The following SIX3 variants were observed in gnomAD, a reference collection of about 807,000 sequenced individuals.
SIX3 encodes the protein SIX homeobox 3.
SIX3 carries 2 observed loss-of-function variants against 21.7 expected under a neutral mutation model. The ratio of observed to expected loss-of-function variants is 0.09; its 90% CI spans 0.04 to 0.29. SIX3 has a LOEUF of 0.29. SIX3 is among the 10% of genes least tolerant of loss of function. The pLI is 1.00. For synonymous variants in SIX3, 243 were observed against 220.6 expected (o/e 1.10, Z -0.90); for missense variants, 347 against 480.7 (o/e 0.72, Z 2.60).
Position 44,944,586 on chromosome 2 carries a change from T to G in SIX3, c.825T>G (p.Ile275Met). 1 of 1,578,962 alleles carries G rather than the reference T, an allele frequency of 6.3e-7. No individual in the cohort carries two copies. Among genetic ancestry groups the G allele is most frequent in the Non-Finnish European group, 8.6e-7 (1 of 1,169,396 alleles). Residue 275 changes from isoleucine (I) to methionine (M), a missense_variant, in exon 2 of 2, where the codon ATT becomes ATG. By Grantham distance (10) the Ile-to-Met change is conservative (BLOSUM62 1). Coordinates refer to ENST00000260653, the MANE Select transcript of SIX3 (RefSeq NM_005413.4). Reference protein sequence around the residue: ...AAKNRLQHQAIGPSGMRSLAE... With the variant: ...AAKNRLQHQAMGPSGMRSLAE... Reference sequence around the variant, plus strand: ...CCCGCAGGCTCCAGCACCAGGCCATTGGACCGAGCGGCATGCGCTCGCTGG... The same window carrying G: ...CCCGCAGGCTCCAGCACCAGGCCATGGGACCGAGCGGCATGCGCTCGCTGG...
Position 44,945,340 on chromosome 2 carries a change from CA to C in SIX3, c.*581del, listed in dbSNP as rs914541308. On this transcript the variant is annotated 3_prime_UTR_variant, in exon 2 of 2. Transcript: ENST00000260653. ...AAAAAAAAAAAAAAAAAAAAAAGGACAGGGGGAAAAAAAAAAAAAAAGAACT... is the reference window on the plus strand; with the variant it reads ...AAAAAAAAAAAAAAAAAAAAAAGGACGGGGGAAAAAAAAAAAAAAAGAACT... The C allele has an allele frequency of 5.3e-5, 4 of 75,352 alleles. No individual in the cohort carries two copies. Among genetic ancestry groups the C allele is most frequent in the South Asian group, 4.1e-4 (1 of 2,412 alleles). 4.7% of individuals were successfully genotyped at this position (75,352 alleles called of 1,614,324 possible). A position where few individuals can be genotyped will look rare whatever the true frequency, so the allele number is the denominator to read the frequency against.
chr2:44,943,143 G>A (rs993291791), intron 1 of SIX3, among the ~76,000 whole-genome samples: 1 of 152,162 alleles, frequency 6.6e-6, no homozygotes, highest in African/African-American at 2.4e-5. Flanking sequence ...GTGTGTGCTT[G>A]CGACCCGAGT....
chr2:44,941,948 C>T lies in SIX3; in HGVS notation c.-157C>T, dbSNP rs1422364981. The T allele has an allele frequency of 1.5e-6, 1 of 649,354 alleles. No homozygotes were observed. Among genetic ancestry groups the T allele is most frequent in the South Asian group, 1.6e-5 (1 of 62,866 alleles). The allele number at this position is 649,354 out of a possible 1,614,324, so 40.2% of individuals were successfully genotyped here. ...TGTGGGGTGTGGGTGTCCCTTACGC[C>T]CTTCCTCCTCTCCCTCCTCCTCCTG... On this transcript the variant is annotated 5_prime_UTR_variant, in exon 1 of 2. Coordinates refer to ENST00000260653, the MANE Select transcript of SIX3 (RefSeq NM_005413.4).
intron 1 of SIX3, among the ~76,000 whole-genome samples, chr2:44,943,416 CACGTTGCCTG>C (rs1252447625): frequency 6.6e-6 from 1 of 152,246 alleles, no homozygotes; most frequent in African/African-American, 2.4e-5. Flanking sequence ...CGCAACGCTG[CACGTTGCCTG>C]ACCGGGAGCA....
chr2:44,944,623 T>C lies in SIX3; in HGVS notation c.862T>C (p.Cys288Arg), dbSNP rs1355497595. The change falls in exon 2 of 2, where the codon TGC becomes CGC. Residue 288 changes from cysteine to arginine, a missense_variant. Transcript: ENST00000260653. ...CATGCGCTCGCTGGCCGAGCCCGGC[T>C]GCCCCACGCACGGCTCGGCAGAGTC... is the stretch of plus-strand genomic sequence containing the variant. ...SGMRSLAEPG[C>R]PTHGSAESPS... 2.5e-6 allele frequency: 4 copies of C among 1,575,430 alleles called. No individual in the cohort carries two copies. Among genetic ancestry groups the C allele is most frequent in the Non-Finnish European group, 3.4e-6 (4 of 1,167,870 alleles).
chr2:44,944,178 A>C (rs544932582), intron 1 of SIX3, among the ~76,000 whole-genome samples: 166 of 152,356 alleles, frequency 1.1e-3, no homozygotes, highest in African/African-American at 3.8e-3. Flanking sequence ...TGGCATCCAG[A>C]GAGCAAAGTA....
At position 44,942,044 on chromosome 2, in the gene SIX3, T is replaced by A; in HGVS notation, c.-61T>A. 7.5e-7 allele frequency: 1 copy of A among 1,337,368 alleles called. No individual in the cohort carries two copies. The highest frequency in any genetic ancestry group is 1.0e-6 in the Non-Finnish European group (1 of 960,418). The allele number at this position is 1,337,368 out of a possible 1,614,324, so 82.8% of individuals were successfully genotyped here. ...CTCCTGGTCCTCATCGCCCCTCTCC[T>A]CCTCTTCCTCCCCTCTCTCTTCCTC... is the stretch of plus-strand genomic sequence containing the variant. On this transcript the variant is annotated 5_prime_UTR_variant, in exon 1 of 2. Coordinates refer to ENST00000260653, the MANE Select transcript of SIX3 (RefSeq NM_005413.4). This position sits in a 1 kb window ranked among gnomAD's most constrained non-coding sequence, Gnocchi z 8.4.
chr2:44,943,701 G>A (rs1173806100), intron 1 of SIX3, among the ~76,000 whole-genome samples: 1 of 152,262 alleles, frequency 6.6e-6, no homozygotes, highest in Non-Finnish European at 1.5e-5. Context: ...GGCGAAAGGA[G>A]TGGGGAGAGA....
At position 44,944,576 on chromosome 2, in the gene SIX3, A is replaced by C; in HGVS notation, c.815A>C (p.His272Pro). 4 of 1,576,624 alleles carry C rather than the reference A, an allele frequency of 2.5e-6. No individual in the cohort carries two copies. The highest frequency in any genetic ancestry group is 3.4e-6 in the Non-Finnish European group (4 of 1,168,352). The change falls in exon 2 of 2, where the codon CAC becomes CCC. Residue 272 changes from histidine (H) to proline (P), a missense_variant. This residue lies in a region of SIX3 where 110 missense variants were observed against 93.3 expected (regional missense o/e 1.18). Coordinates refer to ENST00000260653, the MANE Select transcript of SIX3 (RefSeq NM_005413.4). The part of the protein sequence containing the change: ...RAAAAKNRLQ[H>P]QAIGPSGMRS... ...ATCTCTTTCTCCCGCAGGCTCCAGC[A>C]CCAGGCCATTGGACCGAGCGGCATG...
At position 44,942,319 on chromosome 2, in the gene SIX3, C is replaced by T. The variant is rs781731500; in HGVS notation, c.215C>T (p.Ala72Val). 99 of 1,586,590 alleles carry T rather than the reference C, an allele frequency of 6.2e-5. No individual in the cohort carries two copies. The highest frequency in any genetic ancestry group is 3.4e-4 in the Middle Eastern group (2 of 5,938). ...AGGGGGGGSR[A>V]PPEELSMFQL... is the part of the protein sequence containing the mutation. ...GGCGGCGGCGGCGGCGGCTCCAGGG[C>T]CCCCCCGGAAGAGTTGTCCATGTTC... The change falls in exon 1 of 2, where the codon GCC becomes GTC. Residue 72 changes from alanine (A) to valine (V), a missense_variant. By Grantham distance (64) the Ala-to-Val change is moderately conservative (BLOSUM62 0). Transcript: ENST00000260653. The surrounding 1 kb of genome is among the most constrained non-coding windows in gnomAD (Gnocchi z 8.4).
chr2:44,942,815 C>G lies in SIX3; in HGVS notation c.711C>G (p.Arg237=), dbSNP rs759831587. ...CCTACCCCAACCCCAGCAAGAAACG[C>G]GAACTGGCGCAGGCCACCGGCCTCA... ...QDPYPNPSKK[R]ELAQATGLTP... is the part of the protein sequence containing the mutation. The change falls in exon 1 of 2, where the codon CGC becomes CGG. Residue 237 remains arginine, a synonymous_variant. Coordinates refer to ENST00000260653, the MANE Select transcript of SIX3 (RefSeq NM_005413.4). The surrounding 1 kb of genome is among the most constrained non-coding windows in gnomAD (Gnocchi z 8.4). 4.4e-6 allele frequency: 7 copies of G among 1,599,600 alleles called. No individual in the cohort carries two copies. In the South Asian group the frequency reaches 4.4e-5, roughly 10 times the overall value.
chr2:44,942,430 G>A lies in SIX3; in HGVS notation c.326G>A (p.Gly109Asp). 2 of 1,597,710 alleles carry A rather than the reference G, an allele frequency of 1.3e-6. No homozygotes were observed. Among genetic ancestry groups the A allele is most frequent in the African/African-American group, 1.3e-5 (1 of 75,022 alleles). ...LEETGDIERL[G>D]RFLWSLPVAP... ...GAGACGGGCGACATCGAGCGGCTGG[G>A]CCGCTTCCTCTGGTCGCTGCCCGTG... The change falls in exon 1 of 2, where the codon GGC becomes GAC. Residue 109 changes from glycine to aspartate, a missense_variant. Transcript: ENST00000260653. This position sits in a 1 kb window ranked among gnomAD's most constrained non-coding sequence, Gnocchi z 8.4.
intron 1 of SIX3, among the ~76,000 whole-genome samples, chr2:44,943,114 G>A (rs1666612535): frequency 6.6e-6 from 1 of 152,198 alleles, no homozygotes; most frequent in African/African-American, 2.4e-5. Context: ...ACCAAGAGGG[G>A]CTTTCGTCAG....
In SIX3 at chr2:44,941,978, C is replaced by A. The variant is rs1396538892; in HGVS notation, c.-127C>A. The A allele has an allele frequency of 4.7e-6, 3 of 631,638 alleles. No homozygotes were observed. Among genetic ancestry groups the A allele is most frequent in the African/African-American group, 1.9e-5 (1 of 53,108 alleles). 39.1% of individuals were successfully genotyped at this position (631,638 alleles called of 1,614,324 possible). A position where few individuals can be genotyped will look rare whatever the true frequency, so the allele number is the denominator to read the frequency against. On this transcript the variant is annotated 5_prime_UTR_variant, in exon 1 of 2. Transcript: ENST00000260653. ...CTCCTCTCCCTCCTCCTCCTGCTCC[C>A]CCCTCCTTTCCTTCTCCTCCTCCCC...
In SIX3 at chr2:44,945,070, A is replaced by G; in HGVS notation, c.*310A>G. On this transcript the variant is annotated 3_prime_UTR_variant, in exon 2 of 2. Coordinates refer to ENST00000260653, the MANE Select transcript of SIX3 (RefSeq NM_005413.4). Reference sequence around the variant, plus strand: ...GTCAAACGCTGATGTTGCGGGCAGAAAACATAAAAGAGGTGACAATTGTAT... The same window carrying G: ...GTCAAACGCTGATGTTGCGGGCAGAGAACATAAAAGAGGTGACAATTGTAT... 1 of 493,056 alleles carries G rather than the reference A, an allele frequency of 2.0e-6. No individual in the cohort carries two copies. The highest frequency in any genetic ancestry group is 3.7e-6 in the Non-Finnish European group (1 of 272,064). 30.5% of individuals were successfully genotyped at this position (493,056 alleles called of 1,614,324 possible).
In SIX3 at chr2:44,945,277, G is replaced by GA. The variant is rs1253613701; in HGVS notation, c.*525dup. On this transcript the variant is annotated 3_prime_UTR_variant, in exon 2 of 2. Transcript: ENST00000260653. Reference sequence around the variant, plus strand: ...AGGGCAAAAGCAAAACAGACAAAAAGAAAAAAAATCGCCGTCTCCGTTCCG... The same window carrying GA: ...AGGGCAAAAGCAAAACAGACAAAAAGAAAAAAAAATCGCCGTCTCCGTTCCG... 8.9e-5 allele frequency: 1 copy of GA among 11,182 alleles called. No homozygotes were observed. Among genetic ancestry groups the GA allele is most frequent in the Non-Finnish European group, 1.9e-4 (1 of 5,364 alleles). 0.7% of individuals were successfully genotyped at this position (11,182 alleles called of 1,614,324 possible). A position where few individuals can be genotyped will look rare whatever the true frequency, so the allele number is the denominator to read the frequency against.
chr2:44,943,106 C>T (rs1027696851), intron 1 of SIX3, among the ~76,000 whole-genome samples, 196 bp downstream of exon 1: 38 of 152,024 alleles, frequency 2.5e-4, no homozygotes, highest in Non-Finnish European at 3.2e-4. Flanking sequence ...TTGCTTTGAC[C>T]AAGAGGGGCT....
chr2:44,944,693 C>A lies in SIX3; in HGVS notation c.932C>A (p.Thr311Lys), dbSNP rs1286475473. 1.9e-6 allele frequency: 3 copies of A among 1,586,264 alleles called. No individual in the cohort carries two copies. Among genetic ancestry groups the A allele is most frequent in the African/African-American group, 1.3e-5 (1 of 74,494 alleles). The change falls in exon 2 of 2, where the codon ACG (threonine) becomes AAG (lysine). Residue 311 changes from threonine to lysine, a missense_variant. Coordinates refer to ENST00000260653, the MANE Select transcript of SIX3 (RefSeq NM_005413.4). ...ASPTTSVSSL[T>K]ERADTGTSIL... is the part of the protein sequence containing the mutation. ...CCGACCACCAGCGTGTCCAGCCTGA[C>A]GGAGCGCGCAGACACCGGCACCTCC... is the stretch of plus-strand genomic sequence containing the variant.
rs1247139821 is a variant in SIX3, at chr2:44,941,888, A to G, written c.-217A>G. On this transcript the variant is annotated 5_prime_UTR_variant, in exon 1 of 2. It removes an upstream start codon present in the reference 5' UTR. Coordinates refer to ENST00000260653, the MANE Select transcript of SIX3 (RefSeq NM_005413.4). ...GGGCCGCTCTCCTACCTCCCTCTCTATGTGGCTGCGCGGGTGTGTGTGTGT... is the reference window on the plus strand; with the variant it reads ...GGGCCGCTCTCCTACCTCCCTCTCTGTGTGGCTGCGCGGGTGTGTGTGTGT... 4.5e-6 allele frequency: 2 copies of G among 448,974 alleles called. No homozygotes were observed. The highest frequency in any genetic ancestry group is 8.4e-6 in the Non-Finnish European group (2 of 237,926). The allele number at this position is 448,974 out of a possible 1,614,324, so 27.8% of individuals were successfully genotyped here.
Sources: allele counts gnomAD v4.1 joint callset (sites outside exome capture counted in the v4.1 genomes callset), GRCh38; gene constraint gnomAD v4.1.1; regional missense constraint gnomAD v4.1.1; non-coding constraint Gnocchi (gnomAD v3.1); transcripts MANE v1.5; gene names NCBI Gene and HGNC (gene_info 2026-07-23, HGNC 2026-07-21).